Variants in LYPLA1 observed in about 807,000 individuals in gnomAD.
LYPLA1 encodes lysophospholipase 1, also known as acyl-protein thioesterase 1.
LYPLA1 carries 17 observed loss-of-function variants against 34.0 expected under a neutral mutation model. The observed-to-expected ratio is 0.50, with a 90% CI of 0.34 to 0.75. The LOEUF is 0.75. LYPLA1 is among the 30% of genes least tolerant of loss of function. The probability of loss-of-function intolerance (pLI) is 0.01; values close to 1 mark genes in which losing one functional copy is unlikely to be tolerated. For synonymous variants in LYPLA1, 98 were observed against 100.8 expected (o/e 0.97, Z 0.17); for missense variants, 203 against 288.8 (o/e 0.70, Z 2.15).
At chr8:54,078,455 C>A (rs537402862) in intron 2 of LYPLA1, among the ~76,000 whole-genome samples, 1 of 152,288 alleles carries the variant, frequency 6.6e-6, no homozygotes, top group African/African-American at 2.4e-5. Flanking sequence ...ACATGGTCCC[C>A]AATTTACAAC....
At chr8:54,094,201 GAT>G (rs1256309882) in intron 2 of LYPLA1, among the ~76,000 whole-genome samples, 1 of 152,196 alleles carries the variant, frequency 6.6e-6, no homozygotes, top group Non-Finnish European at 1.5e-5. Context: ...TGGTAATACA[GAT>G]AAGTAATTCC....
rs138875881 is a variant in LYPLA1, at chr8:54,070,014, A to G, written c.102-4201T>C. ...TAGCCAAGTGTTAAAGGGTATGGTG[A>G]GAAATCAGAACCCTCATACACTGTT... On this transcript the variant is annotated intron_variant, in intron 2 of 8. Coordinates refer to ENST00000316963, the MANE Select transcript of LYPLA1 (RefSeq NM_006330.4). Among the ~76,000 whole-genome samples the G allele has an allele frequency of 5.1e-3, 777 of 152,380 alleles. 3 individuals carry two copies. The highest frequency in any genetic ancestry group is 8.3e-3 in the South Asian group (40 of 4,830).
intron 2 of LYPLA1, among the ~76,000 whole-genome samples, chr8:54,098,034 C>T (rs537371036): frequency 6.6e-6 from 1 of 152,056 alleles, no homozygotes; most frequent in South Asian, 2.1e-4. Context: ...ACTGGCCTGG[C>T]CAACATGATG....
chr8:54,096,765 C>T (rs1809718951), intron 2 of LYPLA1, among the ~76,000 whole-genome samples: 1 of 151,366 alleles, frequency 6.6e-6, no homozygotes, highest in East Asian at 1.9e-4. Flanking sequence ...AAAAATTAGC[C>T]GGGTGTGGCG....
intron 2 of LYPLA1, among the ~76,000 whole-genome samples, chr8:54,084,137 A>AAAAAAT (rs1808520198): frequency 8.3e-6 from 1 of 120,180 alleles, no homozygotes; most frequent in South Asian, 2.5e-4. Flanking sequence ...AAAAAAAATA[A>AAAAAAT]ATAAATATAT....
downstream of LYPLA1, chr8:54,045,485 G>C (rs1044632458): frequency 2.6e-5 from 4 of 152,186 alleles, no homozygotes; most frequent in Non-Finnish European, 4.4e-5. Context: ...ATACAGTGCT[G>C]ATGTGAAAGA....
intron 1 of LYPLA1, 60 bp downstream of exon 1, chr8:54,101,695 G>C: frequency 3.2e-6 from 4 of 1,231,654 alleles, no homozygotes; most frequent in Non-Finnish European, 4.1e-6. Context: ...CCCCGCGCGA[G>C]GGGCAACCAC....
Position 54,062,343 on chromosome 8 carries a change from T to C in LYPLA1, c.216-19A>G, listed in dbSNP as rs1806707593. 6.6e-7 allele frequency: 1 copy of C among 1,525,206 alleles called. No individual in the cohort carries two copies. The highest frequency in any genetic ancestry group is 9.0e-7 in the Non-Finnish European group (1 of 1,115,206). 94.5% of individuals were successfully genotyped at this position (1,525,206 alleles called of 1,614,324 possible). ...ATCAAACCTGTAAAATAAGGCAAAA[T>C]CTTTTGATTCTAAGAAAAATCTATT... On this transcript the variant is annotated intron_variant, in intron 4 of 8. Coordinates refer to ENST00000316963, the MANE Select transcript of LYPLA1 (RefSeq NM_006330.4).
At chr8:54,061,400 T>G (rs1243766649) in intron 5 of LYPLA1, among the ~76,000 whole-genome samples, 1 of 152,114 alleles carries the variant, frequency 6.6e-6, no homozygotes, top group Non-Finnish European at 1.5e-5. Flanking sequence ...TATATAAACA[T>G]TCTGCTGTTT....
intron 5 of LYPLA1, among the ~76,000 whole-genome samples, chr8:54,058,528 A>G (rs2129329353): frequency 6.6e-6 from 1 of 152,194 alleles, no homozygotes; most frequent in South Asian, 2.1e-4. Context: ...TGAGCAAGAG[A>G]GCAAGACTCC....
At chr8:54,083,625 T>C (rs79393778) in intron 2 of LYPLA1, among the ~76,000 whole-genome samples, 8,485 of 152,250 alleles carry the variant, frequency 0.056, 775 homozygotes, top group African/African-American at 0.19. Context: ...AAATTAACTA[T>C]AGACAACATG....
intron 5 of LYPLA1, among the ~76,000 whole-genome samples, chr8:54,057,709 CA>C (rs976289863): frequency 6.6e-6 from 1 of 151,412 alleles, no homozygotes; most frequent in African/African-American, 2.4e-5. Flanking sequence ...TTAATGGGTA[CA>C]AAAAAAATAG....
chr8:54,069,689 G>A (rs1031620377), intron 2 of LYPLA1, among the ~76,000 whole-genome samples: 2 of 150,266 alleles, frequency 1.3e-5, no homozygotes, highest in East Asian at 2.0e-4. Context: ...CAGCCTGGGC[G>A]ACAGAGTGAG....
At chr8:54,096,619 T>C (rs753248604) in intron 2 of LYPLA1, among the ~76,000 whole-genome samples, 32 of 152,050 alleles carry the variant, frequency 2.1e-4, no homozygotes, top group Non-Finnish European at 4.0e-4. Flanking sequence ...GGCACGTGCC[T>C]GTAATCCCAG....
chr8:54,073,276 C>T lies in LYPLA1; in HGVS notation c.102-7463G>A. The T allele has an allele frequency of 4.5e-6, 4 of 887,850 alleles. No homozygotes were observed. The South Asian group carries it at 5.2e-5, about 12-fold the overall frequency. 55.0% of individuals were successfully genotyped at this position (887,850 alleles called of 1,614,324 possible). Reference sequence around the variant, plus strand: ...CTGTCTGAATGGGGGAACCTGCATGCTGGGGTCCTTCTGTGCCTGCCCCCT... The same window carrying T: ...CTGTCTGAATGGGGGAACCTGCATGTTGGGGTCCTTCTGTGCCTGCCCCCT... On this transcript the variant is annotated intron_variant, in intron 2 of 8. Coordinates refer to ENST00000316963, the MANE Select transcript of LYPLA1 (RefSeq NM_006330.4).
chr8:54,096,130 C>T (rs1809663999), intron 2 of LYPLA1, among the ~76,000 whole-genome samples: 1 of 152,190 alleles, frequency 6.6e-6, no homozygotes, highest in South Asian at 2.1e-4. Flanking sequence ...AATGAGGCAA[C>T]ACGCCTGCAA....
In LYPLA1 at chr8:54,052,690, T is replaced by C; in HGVS notation, c.427A>G (p.Ser143Gly). The change falls in exon 7 of 9, where the codon AGT (serine) becomes GGT (glycine). Residue 143 changes from serine (S) to glycine (G), a missense_variant. Transcript: ENST00000316963. ...QQKLAGVTAL[S>G]CWLPLRASFP... Reference sequence around the variant, plus strand: ...GAAGCCCGAAGTGGAAGCCAGCAACTGAGTGCAGTGACACCTGCCAGTTTC... The same window carrying C: ...GAAGCCCGAAGTGGAAGCCAGCAACCGAGTGCAGTGACACCTGCCAGTTTC... 1.2e-6 allele frequency: 2 copies of C among 1,613,934 alleles called. No homozygotes were observed. Among genetic ancestry groups the C allele is most frequent in the Non-Finnish European group, 1.7e-6 (2 of 1,179,926 alleles).
At chr8:54,083,538 CA>C (rs754727981) in intron 2 of LYPLA1, among the ~76,000 whole-genome samples, 34 of 151,980 alleles carry the variant, frequency 2.2e-4, no homozygotes, top group Non-Finnish European at 3.8e-4. Flanking sequence ...TGCAAAGGAC[CA>C]AAAGAGTCAA....
Position 54,063,204 on chromosome 8 carries a change from G to A in LYPLA1, c.215+124C>T. On this transcript the variant is annotated intron_variant, in intron 4 of 8. Transcript: ENST00000316963. ...TCCAGAGTATGAAAATGTAAATAGA[G>A]GTTAACTATGCAACTTTGCAATTTA... The A allele has an allele frequency of 6.6e-6, 4 of 609,194 alleles. No homozygotes were observed. The South Asian group carries it at 9.4e-5, about 14-fold the overall frequency. The allele number at this position is 609,194 out of a possible 1,614,324, so 37.7% of individuals were successfully genotyped here. A position where few individuals can be genotyped will look rare whatever the true frequency, so the allele number is the denominator to read the frequency against.
Sources: gnomAD v4.1 joint callset for allele counts (sites outside exome capture counted in the v4.1 genomes callset) on GRCh38, gnomAD v4.1.1 for gene constraint, MANE v1.5 for transcripts, NCBI Gene and HGNC (gene_info 2026-07-23, HGNC 2026-07-21) for gene names.